STK24: variants seen among roughly 807,000 people sequenced by gnomAD.
STK24 encodes serine/threonine-protein kinase 24.
STK24 carries 21 observed loss-of-function variants against 55.6 expected under a neutral mutation model. The observed-to-expected ratio is 0.38, with a 90% CI of 0.27 to 0.54. STK24 has a LOEUF of 0.54. Among genes scored for constraint, STK24 ranks in the 20% least tolerant of loss-of-function variants. The pLI is 0.79. For missense variants in STK24, 383 were observed against 538.4 expected (o/e 0.71, Z 2.86); for synonymous variants, 200 against 215.2 (o/e 0.93, Z 0.62).
chr13:98,485,100 T>C (rs1011247678), intron 2 of STK24, among the ~76,000 whole-genome samples: 3 of 152,162 alleles, frequency 2.0e-5, no homozygotes, highest in Non-Finnish European at 4.4e-5. Flanking sequence ...CTTTTCAACC[T>C]CATTGGGTGT....
At chr13:98,552,105 TG>T (rs1897173462) in intron 1 of STK24, among the ~76,000 whole-genome samples, 1 of 152,326 alleles carries the variant, frequency 6.6e-6, no homozygotes, top group African/African-American at 2.4e-5. Context: ...TAGTTACCCC[TG>T]GGGAATAAAA....
intron 1 of STK24, among the ~76,000 whole-genome samples, chr13:98,524,680 A>G (rs1193221521): frequency 6.6e-6 from 1 of 152,238 alleles, no homozygotes; most frequent in East Asian, 1.9e-4. Context: ...TTATACAACA[A>G]CAGATAATAG....
intron 2 of STK24, among the ~76,000 whole-genome samples, chr13:98,495,567 T>TGGGC (rs1895221032): frequency 6.6e-6 from 1 of 152,236 alleles, no homozygotes; most frequent in African/African-American, 2.4e-5. Context: ...CTAATTGGAA[T>TGGGC]TTTAATTCCA....
At chr13:98,456,366 G>A (rs1294048382) in intron 10 of STK24, 1 of 408,476 alleles carries the variant, frequency 2.4e-6, no homozygotes, top group African/African-American at 2.0e-5. Flanking sequence ...GCTTTGGGAG[G>A]TGTCAGCCTG....
chr13:98,509,702 A>C (rs368642843), intron 2 of STK24, among the ~76,000 whole-genome samples: 8 of 152,202 alleles, frequency 5.3e-5, no homozygotes, highest in African/African-American at 1.9e-4. Context: ...ACTTAGAGGC[A>C]TCTCCTACAC....
In STK24 at chr13:98,496,224, G is replaced by C. The variant is rs79625232; in HGVS notation, c.274-13903C>G. 9.1e-3 allele frequency among the ~76,000 whole-genome samples: 1,384 copies of C among 152,350 alleles called. 19 individuals are homozygous for C. Among genetic ancestry groups the C allele is most frequent in the African/African-American group, 0.03 (1,264 of 41,568 alleles). On this transcript the variant is annotated intron_variant, in intron 2 of 10. Transcript: ENST00000539966. The stretch of plus-strand genomic sequence containing the variant: ...GTGGCAAGCATGCTCGTAAGAACCA[G>C]AGAATCCTCATGTTTGGAATAAACA...
At chr13:98,553,655 G>C (rs899163950) in intron 1 of STK24, 1 of 152,476 alleles carries the variant, frequency 6.6e-6, no homozygotes, top group Admixed American at 6.5e-5. Context: ...CAGATGCCCA[G>C]TAGCCTAGGA....
intron 1 of STK24, among the ~76,000 whole-genome samples, chr13:98,567,389 C>T (rs1897613492): frequency 6.6e-6 from 1 of 152,222 alleles, no homozygotes; most frequent in South Asian, 2.1e-4. Context: ...TGCCAAGAAG[C>T]ACATACTCAA....
intron 1 of STK24, among the ~76,000 whole-genome samples, chr13:98,544,462 A>G (rs1896979571): frequency 6.6e-6 from 1 of 152,216 alleles, no homozygotes; most frequent in African/African-American, 2.4e-5. Flanking sequence ...CCCTACTGGG[A>G]GTGGCGCAGC....
chr13:98,501,505 C>A (rs1163251558), intron 2 of STK24, among the ~76,000 whole-genome samples: 2 of 152,130 alleles, frequency 1.3e-5, no homozygotes, highest in East Asian at 1.9e-4. Context: ...CCCAGCCCCC[C>A]CAGTTTAAGA....
intron 1 of STK24, among the ~76,000 whole-genome samples, chr13:98,530,516 T>C (rs572997744): frequency 3.5e-4 from 53 of 152,324 alleles, no homozygotes; most frequent in Admixed American, 7.2e-4. Context: ...CTGACGATTA[T>C]GTGACTTGTC....
intron 1 of STK24, among the ~76,000 whole-genome samples, chr13:98,571,382 C>T (rs1470946177): frequency 1.3e-5 from 2 of 152,176 alleles, no homozygotes; most frequent in Non-Finnish European, 2.9e-5. Flanking sequence ...CAGCCGCCAC[C>T]TGCCCATAAC....
chr13:98,555,928 C>G (rs1402669845), intron 1 of STK24, among the ~76,000 whole-genome samples: 1 of 151,504 alleles, frequency 6.6e-6, no homozygotes, highest in African/African-American at 2.4e-5. Context: ...GTGATCCACC[C>G]GCCTCGGCCT....
intron 1 of STK24, among the ~76,000 whole-genome samples, chr13:98,535,623 C>T (rs1192139595): frequency 6.6e-6 from 1 of 152,164 alleles, no homozygotes; most frequent in Non-Finnish European, 1.5e-5. Context: ...GCAGCGTTCA[C>T]AAATACGGTT....
rs190139961 is a variant in STK24 at position 98,573,172 on chromosome 13, A to G, written c.42+3573T>C. On this transcript the variant is annotated intron_variant, in intron 1 of 10. Coordinates refer to ENST00000539966, the MANE Select transcript of STK24 (RefSeq NM_001032296.4). ...TAGTAAGGATTAGTACGGTCTCCTG[A>G]AACTTGTTTTTGATCCTGATGTAAA... Among the ~76,000 whole-genome samples, 16 of 152,340 alleles carry G rather than the reference A, an allele frequency of 1.1e-4. No individual in the cohort carries two copies. In the East Asian group the frequency reaches 2.7e-3, roughly 26 times the overall value.
chr13:98,541,542 T>A, intron 1 of STK24, among the ~76,000 whole-genome samples: 1 of 152,208 alleles, frequency 6.6e-6, no homozygotes, highest in East Asian at 1.9e-4. Flanking sequence ...TCAGGAAAAT[T>A]ATAACCTAAT....
chr13:98,569,964 C>T (rs1192148903), intron 1 of STK24, among the ~76,000 whole-genome samples: 1 of 151,496 alleles, frequency 6.6e-6, no homozygotes, highest in Admixed American at 6.6e-5. Context: ...GCAACCTCCG[C>T]CTCCCAGGTT....
At chr13:98,490,793 G>A (rs1894996132) in intron 2 of STK24, among the ~76,000 whole-genome samples, 2 of 149,692 alleles carry the variant, frequency 1.3e-5, no homozygotes, top group Non-Finnish European at 1.5e-5. Flanking sequence ...GCAGCTCAAC[G>A]TCTCCAACCC....
intron 1 of STK24, among the ~76,000 whole-genome samples, chr13:98,520,112 T>C (rs1716795259): frequency 1.3e-5 from 2 of 152,138 alleles, no homozygotes; most frequent in South Asian, 4.1e-4. Flanking sequence ...ACATATATAG[T>C]ATACATTTCT....
Sources: allele counts gnomAD v4.1 joint callset (sites outside exome capture counted in the v4.1 genomes callset), GRCh38; gene constraint gnomAD v4.1.1; transcripts MANE v1.5; gene names NCBI Gene and HGNC (gene_info 2026-07-23, HGNC 2026-07-21).